The following ADAMTSL1 variants were observed in gnomAD, a reference collection of about 807,000 sequenced individuals.
The protein encoded by ADAMTSL1 is ADAMTS like 1, also known as ADAMTS-like protein 1.
A neutral mutation model predicts 201.8 loss-of-function variants in ADAMTSL1; 126 were observed. The observed-to-expected ratio is 0.62, with a 90% confidence interval of 0.54 to 0.72. ADAMTSL1 has a LOEUF of 0.72. Among genes scored for constraint, ADAMTSL1 ranks in the 30% least tolerant of loss-of-function variants. The probability of loss-of-function intolerance (pLI) is 0.00; values close to 1 mark genes in which losing one functional copy is unlikely to be tolerated. For missense variants in ADAMTSL1, 2,679 were observed against 2,277.8 expected (o/e 1.18, Z -3.59); for synonymous variants, 1,121 against 903.4 (o/e 1.24, Z -4.32).
At chr9:18,463,763 A>T (rs1481618092) in intron 2 of ADAMTSL1, among the ~76,000 whole-genome samples, 2 of 152,182 alleles carry the variant, frequency 1.3e-5, no homozygotes, top group East Asian at 3.8e-4. Flanking sequence ...GTCAATAAAG[A>T]CTTGGGTTGC....
chr9:18,544,483 A>G (rs544434845), intron 3 of ADAMTSL1, among the ~76,000 whole-genome samples: 8 of 152,306 alleles, frequency 5.3e-5, no homozygotes, highest in Non-Finnish European at 1.0e-4. Flanking sequence ...TTAAAGGGCC[A>G]TAGGAGATAT....
At chr9:17,954,750 T>G (rs1030634962) in intron 1 of ADAMTSL1, among the ~76,000 whole-genome samples, 6 of 152,168 alleles carry the variant, frequency 3.9e-5, no homozygotes, top group African/African-American at 1.2e-4. Flanking sequence ...GTTAACAACC[T>G]TAAGTTCTAG....
chr9:18,367,074 C>G (rs760411301), intron 2 of ADAMTSL1, among the ~76,000 whole-genome samples: 1 of 152,164 alleles, frequency 6.6e-6, no homozygotes, highest in African/African-American at 2.4e-5. Flanking sequence ...GCTCTTGCTG[C>G]CTTTTTCTTC....
intron 2 of ADAMTSL1, among the ~76,000 whole-genome samples, chr9:18,441,578 A>G (rs761832100): frequency 1.5e-4 from 23 of 152,230 alleles, no homozygotes; most frequent in Admixed American, 1.3e-4. Context: ...AAAAGAATTC[A>G]CTACAGAAAA....
chr9:18,263,807 G>A (rs528812313), intron 2 of ADAMTSL1, among the ~76,000 whole-genome samples: 5 of 152,148 alleles, frequency 3.3e-5, no homozygotes, highest in South Asian at 2.1e-4. Context: ...GGAAGGCCAC[G>A]TGAACACACA....
At chr9:18,797,652 C>T (rs1281415409) in intron 20 of ADAMTSL1, among the ~76,000 whole-genome samples, 1 of 152,142 alleles carries the variant, frequency 6.6e-6, no homozygotes, top group Admixed American at 6.6e-5. Context: ...AGTTTTATTG[C>T]CAGTTATACT....
chr9:18,869,787 A>C (rs1263728158), intron 23 of ADAMTSL1, among the ~76,000 whole-genome samples: 1 of 152,152 alleles, frequency 6.6e-6, no homozygotes, highest in Non-Finnish European at 1.5e-5. Flanking sequence ...CAATTTGACT[A>C]TGATGTGCAT....
At chr9:18,702,308 T>C (rs1326548328) in intron 13 of ADAMTSL1, among the ~76,000 whole-genome samples, 1 of 152,218 alleles carries the variant, frequency 6.6e-6, no homozygotes, top group Non-Finnish European at 1.5e-5. Flanking sequence ...TAGAGGCTAG[T>C]GCTAGCTAAT....
intron 2 of ADAMTSL1, among the ~76,000 whole-genome samples, chr9:18,416,026 A>G (rs1818659920): frequency 6.6e-6 from 1 of 152,074 alleles, no homozygotes; most frequent in South Asian, 2.1e-4. Flanking sequence ...TTACTAGCAG[A>G]CCTGTACTAC....
chr9:18,192,998 G>A (rs1829031767), intron 2 of ADAMTSL1, among the ~76,000 whole-genome samples: 1 of 151,664 alleles, frequency 6.6e-6, no homozygotes, highest in Non-Finnish European at 1.5e-5. Context: ...ACGATATAAG[G>A]AATACTTCAA....
intron 1 of ADAMTSL1, among the ~76,000 whole-genome samples, chr9:18,487,102 C>T (rs950794991): frequency 2.6e-5 from 4 of 152,282 alleles, no homozygotes; most frequent in African/African-American, 9.6e-5. Context: ...AGAAAATAAT[C>T]AGGCCATATC....
intron 1 of ADAMTSL1, among the ~76,000 whole-genome samples, chr9:18,029,372 C>A (rs1820836860): frequency 6.6e-6 from 1 of 152,278 alleles, no homozygotes; most frequent in Admixed American, 6.5e-5. Flanking sequence ...GGATCCCTTC[C>A]TTATGCCTTA....
At chr9:18,392,526 TA>T (rs1473380285) in intron 2 of ADAMTSL1, among the ~76,000 whole-genome samples, 1 of 152,218 alleles carries the variant, frequency 6.6e-6, no homozygotes, top group African/African-American at 2.4e-5. Context: ...TCCCTGCTGA[TA>T]GCCCTTATCT....
In ADAMTSL1 at chr9:18,715,275, T is replaced by C. The variant is rs572809804; in HGVS notation, c.1877-6261T>C. Among the ~76,000 whole-genome samples, 41 of 151,424 alleles carry C rather than the reference T, an allele frequency of 2.7e-4. 1 individual carries two copies. Among genetic ancestry groups the C allele is most frequent in the Admixed American group, 2.7e-3 (41 of 15,162 alleles). Reference sequence around the variant, plus strand: ...GGAGAAGGAAATAAAGGGTATTCAATTAGGAAAAGAGGAAGTCAAATTATC... The same window carrying C: ...GGAGAAGGAAATAAAGGGTATTCAACTAGGAAAAGAGGAAGTCAAATTATC... On this transcript the variant is annotated intron_variant, in intron 14 of 28. Transcript: ENST00000380548.
At chr9:18,519,273 G>A (rs911894361) in intron 2 of ADAMTSL1, among the ~76,000 whole-genome samples, 1 of 152,152 alleles carries the variant, frequency 6.6e-6, no homozygotes, top group Admixed American at 6.5e-5. Flanking sequence ...TTCTTGCCTT[G>A]CACAGAGTAG....
At chr9:18,586,243 T>C (rs544770505) in intron 4 of ADAMTSL1, among the ~76,000 whole-genome samples, 1 of 152,294 alleles carries the variant, frequency 6.6e-6, no homozygotes, top group Admixed American at 6.5e-5. Context: ...CAGCAAAGTC[T>C]CAGGATATAA....
At chr9:18,599,620 T>C (rs1824493217) in intron 4 of ADAMTSL1, among the ~76,000 whole-genome samples, 1 of 152,110 alleles carries the variant, frequency 6.6e-6, no homozygotes, top group Non-Finnish European at 1.5e-5. Context: ...TAATTCAAAG[T>C]ATCATTTTTT....
intron 16 of ADAMTSL1, among the ~76,000 whole-genome samples, chr9:18,767,386 G>C (rs971523867): frequency 2.0e-5 from 3 of 152,120 alleles, no homozygotes; most frequent in Non-Finnish European, 4.4e-5. Flanking sequence ...AAATCCTTAG[G>C]AGTCAGTAAT....
chr9:18,007,755 T>C (rs968578554), intron 1 of ADAMTSL1, among the ~76,000 whole-genome samples: 1 of 151,932 alleles, frequency 6.6e-6, no homozygotes, highest in African/African-American at 2.4e-5. Context: ...TGTTCAAATG[T>C]TGACACACTC....
Sources: gnomAD v4.1 joint callset for allele counts (sites outside exome capture counted in the v4.1 genomes callset) on GRCh38, gnomAD v4.1.1 for gene constraint, MANE v1.5 for transcripts, NCBI Gene and HGNC (gene_info 2026-07-23, HGNC 2026-07-21) for gene names.